LONP1: variants seen among roughly 807,000 people sequenced by gnomAD.
The protein encoded by LONP1 is lon protease homolog, mitochondrial.
Under a neutral mutation model 98.5 loss-of-function variants are expected in LONP1, and 31 were observed. The ratio of observed to expected loss-of-function variants is 0.31; its 90% CI spans 0.24 to 0.42. LONP1 has a LOEUF of 0.42. Among genes scored for constraint, LONP1 ranks in the 20% least tolerant of loss-of-function variants. The pLI, the probability that LONP1 is intolerant of heterozygous loss-of-function variation, is 1.00. For synonymous variants in LONP1, 781 were observed against 594.7 expected (o/e 1.31, Z -4.56); for missense variants, 1,336 against 1,350.6 (o/e 0.99, Z 0.17).
Position 5,697,226 on chromosome 19 carries a change from G to A in LONP1, c.1686-469C>T, listed in dbSNP as rs1034288914. Among the ~76,000 whole-genome samples, 9 of 152,256 alleles carry A rather than the reference G, an allele frequency of 5.9e-5. No homozygotes were observed. The East Asian group carries it at 1.4e-3, about 23-fold the overall frequency. ...CAGAAGAATCCCAGGCCCCACGAGA[G>A]ACAGTGAGGAAGGCTCTGTCTGTGG... On this transcript the variant is annotated intron_variant, in intron 10 of 17. Transcript: ENST00000360614.
rs1168821899 is a variant in LONP1, at chr19:5,711,921, C to T, written c.720G>A (p.Lys240=). ...ENKHKPRRKS[K]RGKKEAEDEL... ...CGTCCTCCGCCTCCTTCTTGCCCCG[C>T]TTTGACTTCCTGCGGGGCTTGTGCT... is the stretch of plus-strand genomic sequence containing the variant. Residue 240 remains lysine, a synonymous_variant, in exon 4 of 18, where the codon AAG becomes AAA. Coordinates refer to ENST00000360614, the MANE Select transcript of LONP1 (RefSeq NM_004793.4). 1 of 1,613,196 alleles carries T rather than the reference C, an allele frequency of 6.2e-7. No homozygotes were observed. The highest frequency in any genetic ancestry group is 8.5e-7 in the Non-Finnish European group (1 of 1,179,780).
At chr19:5,699,866 C>T (rs2055010007) in intron 9 of LONP1, among the ~76,000 whole-genome samples, 1 of 152,018 alleles carries the variant, frequency 6.6e-6, no homozygotes, top group East Asian at 1.9e-4. Flanking sequence ...GCTCTGACTC[C>T]TGTTTTTTAA....
In LONP1 at chr19:5,694,557, G is replaced by A. The variant is rs926652275; in HGVS notation, c.2155-5C>T. The A allele has an allele frequency of 6.2e-7, 1 of 1,610,514 alleles. No individual in the cohort carries two copies. Among genetic ancestry groups the A allele is most frequent in the Non-Finnish European group, 8.5e-7 (1 of 1,178,446 alleles). On this transcript the variant is annotated splice_region_variant and splice_polypyrimidine_tract_variant and intron_variant, in intron 14 of 17. Transcript: ENST00000360614. ...GTAGGCCGATTTCCGTAACACCTGG[G>A]CGGTCAGGGCAACACAATGGGCACG...
At chr19:5,704,126 C>T (rs1015516526) in intron 8 of LONP1, among the ~76,000 whole-genome samples, 22 of 152,030 alleles carry the variant, frequency 1.4e-4, no homozygotes, top group African/African-American at 4.1e-4. Flanking sequence ...TCACGACAGG[C>T]GGTGGGAGGT....
intron 1 of LONP1, among the ~76,000 whole-genome samples, chr19:5,718,346 C>T (rs959293256): frequency 5.3e-5 from 8 of 151,936 alleles, no homozygotes; most frequent in South Asian, 2.1e-4. Context: ...GCCACGGTGG[C>T]GGGCGCCTGT....
intron 1 of LONP1, among the ~76,000 whole-genome samples, chr19:5,715,665 A>G (rs1410456761): frequency 7.1e-6 from 1 of 140,510 alleles, no homozygotes; most frequent in Non-Finnish European, 1.6e-5. Context: ...AAAAAAAAAA[A>G]AAAAAAAAAA....
At chr19:5,694,612 G>A (rs1046933537) in intron 14 of LONP1, 60 bp from the exon 15 acceptor site, 31 of 1,585,876 alleles carry the variant, frequency 2.0e-5, no homozygotes, top group Non-Finnish European at 2.3e-5. Context: ...GCGGGGTGGT[G>A]GGGTGACGGG....
At chr19:5,718,742 G>C (rs958990671) in intron 1 of LONP1, among the ~76,000 whole-genome samples, 1 of 151,818 alleles carries the variant, frequency 6.6e-6, no homozygotes, top group African/African-American at 2.4e-5. Context: ...GAAGGCTTTT[G>C]GGGCCTTCCT....
Position 5,712,003 on chromosome 19 carries a change from C to CT in LONP1, c.639-2dup, listed in dbSNP as rs760083065. On this transcript the variant is annotated splice_acceptor_variant, in intron 3 of 17. Transcript: ENST00000360614. LOFTEE classifies it high-confidence loss of function. ...CTCCAGCTGTCTGCTGATATGGACT[C>CT]TGACACGGGAGCAAGGCAGGTGTGA... is the stretch of plus-strand genomic sequence containing the variant. 2 of 1,610,324 alleles carry CT rather than the reference C, an allele frequency of 1.2e-6. No homozygotes were observed. Among genetic ancestry groups the CT allele is most frequent in the South Asian group, 1.1e-5 (1 of 90,980 alleles).
Position 5,697,400 on chromosome 19 carries a change from T to G in LONP1, c.1686-643A>C, listed in dbSNP as rs561760193. Among the ~76,000 whole-genome samples, 29 of 150,880 alleles carry G rather than the reference T, an allele frequency of 1.9e-4. No individual in the cohort carries two copies. In the South Asian group the frequency reaches 3.2e-3, roughly 16 times the overall value. On this transcript the variant is annotated intron_variant, in intron 10 of 17. Coordinates refer to ENST00000360614, the MANE Select transcript of LONP1 (RefSeq NM_004793.4). ...GAGAGCCACGTGAGGGTCTGAGAGATGTGTTCCAGGCCCAGGACACAGCCC... is the reference window on the plus strand; with the variant it reads ...GAGAGCCACGTGAGGGTCTGAGAGAGGTGTTCCAGGCCCAGGACACAGCCC...
At chr19:5,701,101 C>A (rs1234451377) in intron 8 of LONP1, among the ~76,000 whole-genome samples, 174 bp from the exon 9 acceptor site, 1 of 152,082 alleles carries the variant, frequency 6.6e-6, no homozygotes, top group African/African-American at 2.4e-5. Flanking sequence ...ATCACTTGAG[C>A]CCAGGAGTTC....
intron 7 of LONP1, among the ~76,000 whole-genome samples, chr19:5,706,413 A>T (rs1204283286): frequency 6.6e-6 from 1 of 152,138 alleles, no homozygotes; most frequent in Non-Finnish European, 1.5e-5. Flanking sequence ...GTTCAAGACC[A>T]GCCTGGCCAA....
chr19:5,706,007 G>C lies in LONP1; in HGVS notation c.1147-15C>G. 1 of 1,593,264 alleles carries C rather than the reference G, an allele frequency of 6.3e-7. No individual in the cohort carries two copies. Among genetic ancestry groups the C allele is most frequent in the Non-Finnish European group, 8.6e-7 (1 of 1,165,220 alleles). ...TTCTCCTCCACCTGTGGGGTGAGGT[G>C]CTGCCATCAGGCCCTGGCTCCGGGA... On this transcript the variant is annotated splice_polypyrimidine_tract_variant and intron_variant, in intron 7 of 17. Coordinates refer to ENST00000360614, the MANE Select transcript of LONP1 (RefSeq NM_004793.4).
At chr19:5,694,090 C>A (rs1022320908) in intron 15 of LONP1, among the ~76,000 whole-genome samples, 4 of 152,208 alleles carry the variant, frequency 2.6e-5, no homozygotes, top group Non-Finnish European at 1.5e-5. Context: ...TCCCCTTTGC[C>A]CTCTCGCCTC....
intron 17 of LONP1, among the ~76,000 whole-genome samples, chr19:5,692,958 CCA>C (rs2054855857): frequency 6.6e-6 from 1 of 152,072 alleles, no homozygotes. Flanking sequence ...CAGCCCCTGG[CCA>C]GGGGCTCCAA....
intron 8 of LONP1, 113 bp downstream of exon 8, chr19:5,705,659 C>T: frequency 2.4e-6 from 2 of 830,230 alleles, no homozygotes; most frequent in Admixed American, 2.2e-5. Context: ...CAGCCCGCAC[C>T]TGCCACACCA....
intron 1 of LONP1, among the ~76,000 whole-genome samples, chr19:5,717,858 G>A (rs572861576): frequency 6.6e-6 from 1 of 151,210 alleles, no homozygotes; most frequent in Admixed American, 6.6e-5. Flanking sequence ...GGGAAGACAG[G>A]TGCATGCCAC....
intron 8 of LONP1, among the ~76,000 whole-genome samples, chr19:5,702,286 C>T (rs1201219037): frequency 1.4e-5 from 2 of 143,118 alleles, no homozygotes; most frequent in South Asian, 4.5e-4. Flanking sequence ...AGGCCAGCTG[C>T]CCCATCCGGG....
At chr19:5,693,963 C>A (rs2054878677) in intron 15 of LONP1, among the ~76,000 whole-genome samples, 194 bp from the exon 16 acceptor site, 1 of 152,150 alleles carries the variant, frequency 6.6e-6, no homozygotes, top group Non-Finnish European at 1.5e-5. Context: ...GCTCTGTACG[C>A]CCCACAGGGC....
Sources: allele counts gnomAD v4.1 joint callset (sites outside exome capture counted in the v4.1 genomes callset), GRCh38; gene constraint gnomAD v4.1.1; transcripts MANE v1.5; gene names NCBI Gene and HGNC (gene_info 2026-07-23, HGNC 2026-07-21).